Variants in EYS observed in about 807,000 individuals in gnomAD.
The protein encoded by EYS is protein eyes shut homolog.
In EYS, 250 loss-of-function variants were observed where a neutral mutation model predicts 282.1. The ratio of observed to expected loss-of-function variants is 0.89; its 90% CI spans 0.80 to 0.98. The LOEUF (loss-of-function observed/expected upper bound fraction) is 0.98, where lower values mean the gene tolerates loss of function less well. Among genes scored for constraint, EYS ranks in the 50% least tolerant of loss-of-function variants. The pLI is 0.00. For missense variants in EYS, 4,016 were observed against 3,709.0 expected (o/e 1.08, Z -2.15); for synonymous variants, 1,355 against 1,282.9 (o/e 1.06, Z -1.20).
intron 2 of EYS, among the ~76,000 whole-genome samples, chr6:65,593,783 G>C (rs567400935): frequency 6.6e-6 from 1 of 151,744 alleles, no homozygotes; most frequent in South Asian, 2.1e-4. Flanking sequence ...TTTAGGAAGT[G>C]TTTCTGTCAG....
At chr6:64,729,517 A>T (rs1168449655) in intron 22 of EYS, among the ~76,000 whole-genome samples, 1 of 152,208 alleles carries the variant, frequency 6.6e-6, no homozygotes, top group Non-Finnish European at 1.5e-5. Context: ...TTCAGTTTTA[A>T]GAAGGATGAG....
intron 18 of EYS, among the ~76,000 whole-genome samples, chr6:64,891,412 C>A (rs74398867): frequency 6.6e-6 from 1 of 151,952 alleles, no homozygotes; most frequent in Non-Finnish European, 1.5e-5. Flanking sequence ...TGCTCTCTTC[C>A]CGCTCCCTGT....
intron 2 of EYS, among the ~76,000 whole-genome samples, chr6:65,512,083 A>G (rs1223923227): frequency 6.6e-6 from 1 of 151,916 alleles, no homozygotes. Flanking sequence ...GCTAACTCTA[A>G]TAAGTTGATC....
intron 15 of EYS, among the ~76,000 whole-genome samples, chr6:64,918,442 GT>G (rs1258999269): frequency 1.3e-5 from 2 of 152,072 alleles, no homozygotes; most frequent in African/African-American, 4.8e-5. Context: ...ATATTTAAGG[GT>G]TTTTTGTTTG....
chr6:64,649,747 C>T (rs1355090942), intron 22 of EYS, among the ~76,000 whole-genome samples: 1 of 152,240 alleles, frequency 6.6e-6, no homozygotes, highest in East Asian at 1.9e-4. Context: ...CATGACAAAT[C>T]AATGTCCAAG....
intron 35 of EYS, among the ~76,000 whole-genome samples, chr6:63,964,933 A>G (rs982202548): frequency 6.6e-6 from 1 of 152,202 alleles, no homozygotes; most frequent in Non-Finnish European, 1.5e-5. Context: ...TTCTAAAATA[A>G]AAACAATCTT....
chr6:65,358,345 A>T (rs2150331506), intron 8 of EYS, among the ~76,000 whole-genome samples: 1 of 152,060 alleles, frequency 6.6e-6, no homozygotes, highest in African/African-American at 2.4e-5. Flanking sequence ...TCATTTAAAT[A>T]AGTTCACTTA....
At chr6:64,121,650 T>A (rs932096474) in intron 31 of EYS, among the ~76,000 whole-genome samples, 1 of 152,252 alleles carries the variant, frequency 6.6e-6, no homozygotes, top group South Asian at 2.1e-4. Flanking sequence ...GCTTGAGCTA[T>A]AGTCTCCTAT....
intron 31 of EYS, among the ~76,000 whole-genome samples, chr6:64,222,023 G>A (rs910790709): frequency 3.9e-5 from 6 of 152,030 alleles, no homozygotes; most frequent in Admixed American, 2.6e-4. Flanking sequence ...CAAGAGAACT[G>A]CAGGCAAAAG....
intron 28 of EYS, among the ~76,000 whole-genome samples, chr6:64,408,298 T>C (rs186855608): frequency 6.6e-6 from 1 of 152,284 alleles, no homozygotes; most frequent in East Asian, 1.9e-4. Flanking sequence ...AATATAAATG[T>C]GATTGTGACT....
chr6:64,546,731 CA>C (rs1370544450), intron 26 of EYS, among the ~76,000 whole-genome samples: 82 of 152,090 alleles, frequency 5.4e-4, no homozygotes, highest in African/African-American at 1.9e-3. Context: ...AGACACTTCT[CA>C]AAAAGAAGAC....
chr6:65,442,972 G>T (rs892846588), intron 5 of EYS, among the ~76,000 whole-genome samples: 3 of 149,908 alleles, frequency 2.0e-5, no homozygotes, highest in African/African-American at 7.3e-5. Context: ...GTACATATAT[G>T]TATATATACA....
chr6:65,148,203 A>G (rs1216828048), intron 12 of EYS, among the ~76,000 whole-genome samples: 1 of 152,132 alleles, frequency 6.6e-6, no homozygotes, highest in Non-Finnish European at 1.5e-5. Flanking sequence ...GTCCAAGTCC[A>G]AAGTCTCATC....
chr6:64,241,964 TTGTG>T, intron 30 of EYS, among the ~76,000 whole-genome samples: 2 of 152,258 alleles, frequency 1.3e-5, no homozygotes, highest in African/African-American at 4.8e-5. Context: ...TTCTATGTAG[TTGTG>T]TGGTTTTGAG....
chr6:65,299,870 T>C (rs1768768874), intron 11 of EYS, among the ~76,000 whole-genome samples: 1 of 152,062 alleles, frequency 6.6e-6, no homozygotes. Flanking sequence ...ACACTGCTCC[T>C]TACCCCAAAA....
chr6:63,758,477 A>G (rs1053592938), intron 41 of EYS, among the ~76,000 whole-genome samples: 2 of 152,004 alleles, frequency 1.3e-5, no homozygotes, highest in Non-Finnish European at 2.9e-5. Context: ...GGAGGCGACT[A>G]ATACTAATGG....
chr6:65,502,026 T>A (rs1229413709), intron 2 of EYS, among the ~76,000 whole-genome samples: 3 of 151,766 alleles, frequency 2.0e-5, no homozygotes, highest in Admixed American at 6.6e-5. Context: ...ATTGATTTTT[T>A]AAAAAATATA....
intron 33 of EYS, among the ~76,000 whole-genome samples, chr6:64,019,388 A>G (rs530796180): frequency 6.6e-6 from 1 of 152,040 alleles, no homozygotes; most frequent in East Asian, 1.9e-4. Flanking sequence ...CAAGAAACAA[A>G]TAAAGGGCAA....
intron 12 of EYS, among the ~76,000 whole-genome samples, chr6:65,218,947 A>G (rs1554167861): frequency 2.6e-5 from 4 of 152,132 alleles, no homozygotes; most frequent in Non-Finnish European, 5.9e-5. Context: ...AAATCAAGAT[A>G]ACTTTTTTTT....
Sources: gnomAD v4.1 joint callset for allele counts (sites outside exome capture counted in the v4.1 genomes callset) on GRCh38, gnomAD v4.1.1 for gene constraint, MANE v1.5 for transcripts, NCBI Gene and HGNC (gene_info 2026-07-23, HGNC 2026-07-21) for gene names.